The following GDA variants were observed in gnomAD, a reference collection of about 807,000 sequenced individuals.
GDA encodes cytoplasmic PSD-95 interactor.
Under a neutral mutation model 59.6 loss-of-function variants are expected in GDA, and 18 were observed. The observed-to-expected ratio is 0.30, with a 90% CI of 0.21 to 0.45. The LOEUF (loss-of-function observed/expected upper bound fraction) is 0.45. Among genes scored for constraint, GDA ranks in the 20% least tolerant of loss-of-function variants. The pLI, the probability that GDA is intolerant of heterozygous loss-of-function variation, is 1.00. For missense variants in GDA, 427 were observed against 552.3 expected, an observed-to-expected ratio of 0.77 and a Z score of 2.27; for synonymous variants, 201 against 201.1, an observed-to-expected ratio of 1.00 and a Z score of 0.00.
chr9:72,198,846 G>GATATATATATATGTAT (rs1833550509), intron 2 of GDA, among the ~76,000 whole-genome samples: 1 of 128,574 alleles, frequency 7.8e-6, no homozygotes, highest in East Asian at 2.2e-4. Context: ...TATATAGGGG[G>GATATATATATATGTAT]ATATATATAT....
At chr9:72,135,745 G>A (rs117547514) in intron 1 of GDA, among the ~76,000 whole-genome samples, 4,952 of 152,034 alleles carry the variant, frequency 0.033, 111 homozygotes, top group Middle Eastern at 0.095. Flanking sequence ...TGGGTAGCTG[G>A]GATTATAGGC....
chr9:72,236,562 C>A (rs1363311615), intron 10 of GDA, among the ~76,000 whole-genome samples: 1 of 152,124 alleles, frequency 6.6e-6, no homozygotes, highest in East Asian at 1.9e-4. Flanking sequence ...GCAAAAACAA[C>A]AACAACAAAA....
chr9:72,232,997 G>A (rs1335609808), intron 10 of GDA, among the ~76,000 whole-genome samples: 1 of 152,192 alleles, frequency 6.6e-6, no homozygotes, highest in Non-Finnish European at 1.5e-5. Flanking sequence ...TTGACCAAAC[G>A]TTTGAATAAA....
chr9:72,148,707 T>A (rs1252613366), upstream of GDA, among the ~76,000 whole-genome samples: 1 of 152,080 alleles, frequency 6.6e-6, no homozygotes, highest in Admixed American at 6.5e-5. Context: ...CAAGCTCCAT[T>A]TTCATAAGTG....
Position 72,228,005 on chromosome 9 carries a change from A to C in GDA, c.885A>C (p.Gly295=). Residue 295 remains glycine, a synonymous_variant, in exon 9 of 14, where the codon GGA becomes GGC. Coordinates refer to ENST00000358399, the MANE Select transcript of GDA (RefSeq NM_004293.5). ...AACTGAACGTATTCCATGAACGAGGAGCATCCATCGCACACTGTCCCAATT... is the reference window on the plus strand; with the variant it reads ...AACTGAACGTATTCCATGAACGAGGCGCATCCATCGCACACTGTCCCAATT... The part of the protein sequence containing the change: ...AEELNVFHER[G]ASIAHCPNSN... The C allele has an allele frequency of 3.7e-6, 6 of 1,602,450 alleles. No homozygotes were observed. The African/African-American group carries it at 4.0e-5, about 11-fold the overall frequency.
At chr9:72,189,601 G>A (rs1348702346) in intron 1 of GDA, among the ~76,000 whole-genome samples, 1 of 152,130 alleles carries the variant, frequency 6.6e-6, no homozygotes, top group Non-Finnish European at 1.5e-5. Flanking sequence ...AGCACTTTGG[G>A]AAGCCAAGGC....
chr9:72,218,944 G>T (rs1244991175), intron 5 of GDA, among the ~76,000 whole-genome samples: 1 of 152,120 alleles, frequency 6.6e-6, no homozygotes, highest in Admixed American at 6.5e-5. Flanking sequence ...ATAACATTAC[G>T]TTTCCCTGTG....
At chr9:72,214,086 T>C in intron 5 of GDA, 95 bp downstream of exon 5, 1 of 737,338 alleles carries the variant, frequency 1.4e-6, no homozygotes, top group East Asian at 2.7e-5. Flanking sequence ...GATACTGTTA[T>C]CACCCAGTTG....
chr9:72,150,314 C>T (rs574669795), intron 1 of GDA, among the ~76,000 whole-genome samples: 6 of 146,910 alleles, frequency 4.1e-5, no homozygotes, highest in African/African-American at 1.0e-4. Flanking sequence ...TATACACACA[C>T]GCGTACACAC....
intron 10 of GDA, 118 bp from the exon 11 acceptor site, chr9:72,241,034 A>C (rs1183606620): frequency 1.3e-5 from 8 of 603,082 alleles, no homozygotes. Flanking sequence ...TATAGTTAAG[A>C]GCTTTTTAAA....
chr9:72,169,651 C>G (rs1192450988), intron 1 of GDA, among the ~76,000 whole-genome samples: 2 of 152,162 alleles, frequency 1.3e-5, no homozygotes, highest in Admixed American at 6.5e-5. Flanking sequence ...TCAAATTGCT[C>G]TCTCAAATTG....
At chr9:72,195,987 A>G (rs923831366) in intron 2 of GDA, among the ~76,000 whole-genome samples, 3 of 152,154 alleles carry the variant, frequency 2.0e-5, no homozygotes, top group African/African-American at 7.2e-5. Flanking sequence ...ATAAGGAAGG[A>G]AACAAGGTGG....
In GDA at chr9:72,231,098, T is replaced by C; in HGVS notation, c.921-16T>C. 1 of 1,479,986 alleles carries C rather than the reference T, an allele frequency of 6.8e-7. No homozygotes were observed. The highest frequency in any genetic ancestry group is 9.5e-7 in the Non-Finnish European group (1 of 1,057,568). The allele number at this position is 1,479,986 out of a possible 1,614,324, so 91.7% of individuals were successfully genotyped here. ...CCACATGGATCTCCTTGTTCTGACATCTCCTCTCTCTACAGGCTCAGCAGT... is the reference window on the plus strand; with the variant it reads ...CCACATGGATCTCCTTGTTCTGACACCTCCTCTCTCTACAGGCTCAGCAGT... On this transcript the variant is annotated splice_polypyrimidine_tract_variant and intron_variant, in intron 9 of 13. Coordinates refer to ENST00000358399, the MANE Select transcript of GDA (RefSeq NM_004293.5).
In GDA at chr9:72,180,626, A is replaced by G. The variant is rs1831076061; in HGVS notation, c.124-14874A>G. Among the ~76,000 whole-genome samples, 3 of 152,150 alleles carry G rather than the reference A, an allele frequency of 2.0e-5. No homozygotes were observed. In the South Asian group the frequency reaches 6.2e-4, roughly 32 times the overall value. On this transcript the variant is annotated intron_variant, in intron 1 of 13. Coordinates refer to ENST00000358399, the MANE Select transcript of GDA (RefSeq NM_004293.5). ...GCTGAAATTATTTGCTTGTTTGATG[A>G]TTTCAGGATTCAAATGTGTCATTTA...
In GDA at chr9:72,219,484, T is replaced by C; in HGVS notation, c.584T>C (p.Val195Ala). 6.3e-7 allele frequency: 1 copy of C among 1,595,180 alleles called. No homozygotes were observed. The highest frequency in any genetic ancestry group is 8.6e-7 in the Non-Finnish European group (1 of 1,168,210). ...CATTTGTTGCTTTATTTCAGATTTG[T>C]GTCAGAAATGCTCCAAAAGAACGTG... ...EESIKETERF[V>A]SEMLQKNYSR... is the part of the protein sequence containing the mutation. Residue 195 changes from valine to alanine, a missense_variant, in exon 6 of 14, where the codon GTG becomes GCG. Coordinates refer to ENST00000358399, the MANE Select transcript of GDA (RefSeq NM_004293.5).
At chr9:72,156,113 G>A (rs1827859116) in intron 1 of GDA, among the ~76,000 whole-genome samples, 1 of 152,178 alleles carries the variant, frequency 6.6e-6, no homozygotes, top group South Asian at 2.1e-4. Context: ...AAGGTTGGAA[G>A]GTAAGTGCAT....
chr9:72,116,839 A>G (rs916036444), intron 1 of GDA, among the ~76,000 whole-genome samples: 1 of 151,908 alleles, frequency 6.6e-6, no homozygotes, highest in Non-Finnish European at 1.5e-5. Flanking sequence ...GGTTTGTTAC[A>G]TATGTATACA....
intron 1 of GDA, among the ~76,000 whole-genome samples, chr9:72,140,208 T>C (rs754945891): frequency 5.9e-5 from 9 of 152,206 alleles, no homozygotes; most frequent in Non-Finnish European, 1.2e-4. Flanking sequence ...GCAAATAAGA[T>C]GATGAGTTTG....
chr9:72,201,192 A>AGTTT (rs371187137), intron 2 of GDA, among the ~76,000 whole-genome samples: 5 of 131,300 alleles, frequency 3.8e-5, no homozygotes, highest in African/African-American at 1.3e-4. Context: ...AGTCACACAG[A>AGTTT]ATTTTTTTTT....
Sources: allele counts gnomAD v4.1 joint callset (sites outside exome capture counted in the v4.1 genomes callset), GRCh38; gene constraint gnomAD v4.1.1; transcripts MANE v1.5; gene names NCBI Gene and HGNC (gene_info 2026-07-23, HGNC 2026-07-21).